KCNAB1: variants seen among roughly 807,000 people sequenced by gnomAD.
KCNAB1 encodes potassium voltage-gated channel subfamily A regulatory beta subunit 1, also known as voltage-gated potassium channel subunit beta-1.
A neutral mutation model predicts 64.6 loss-of-function variants in KCNAB1; 35 were observed. The observed-to-expected ratio is 0.54, with a 90% CI of 0.41 to 0.72. KCNAB1 has a LOEUF of 0.72. Among genes scored for constraint, KCNAB1 ranks in the 30% least tolerant of loss-of-function variants. The pLI is 0.00. For missense variants in KCNAB1, 401 were observed against 512.9 expected, an observed-to-expected ratio of 0.78 and a Z score of 2.11; for synonymous variants, 177 against 183.8, an observed-to-expected ratio of 0.96 and a Z score of 0.30.
intron 1 of KCNAB1, among the ~76,000 whole-genome samples, chr3:156,164,567 A>T (rs546824779): frequency 2.3e-4 from 35 of 152,334 alleles, no homozygotes; most frequent in African/African-American, 8.2e-4. Context: ...ATTTGCCCAG[A>T]AGAAAGGCAA....
At chr3:156,402,411 C>T (rs75484026) in intron 1 of KCNAB1, among the ~76,000 whole-genome samples, 2,002 of 152,264 alleles carry the variant, frequency 0.013, 39 homozygotes, top group African/African-American at 0.045. Context: ...CCAGTGTTTT[C>T]ATCGAAAATG....
chr3:156,260,644 C>T (rs1014507624), intron 1 of KCNAB1, among the ~76,000 whole-genome samples: 3 of 152,152 alleles, frequency 2.0e-5, no homozygotes, highest in Non-Finnish European at 4.4e-5. Context: ...AAATACAACA[C>T]ATTTTGCTTT....
intron 1 of KCNAB1, among the ~76,000 whole-genome samples, chr3:156,274,221 C>T (rs1719202394): frequency 6.6e-6 from 1 of 152,144 alleles, no homozygotes; most frequent in South Asian, 2.1e-4. Flanking sequence ...ATTACAACAA[C>T]CACAAAACTA....
chr3:156,402,805 T>G (rs1332412451), intron 1 of KCNAB1, among the ~76,000 whole-genome samples: 2 of 152,240 alleles, frequency 1.3e-5, no homozygotes, highest in Admixed American at 6.5e-5. Context: ...ACAAAGATTA[T>G]TCTCTAAATT....
At chr3:156,431,527 G>A (rs1203176578) in intron 2 of KCNAB1, among the ~76,000 whole-genome samples, 2 of 152,208 alleles carry the variant, frequency 1.3e-5, no homozygotes, top group Non-Finnish European at 2.9e-5. Flanking sequence ...AGTGTACGTG[G>A]CTGAATGACC....
At position 156,312,703 on chromosome 3, in the gene KCNAB1, C is replaced by CAAAAAAAAAA. The variant is rs397991453; in HGVS notation, c.276-108894_276-108885dup. Among the ~76,000 whole-genome samples the CAAAAAAAAAA allele has an allele frequency of 8.4e-3, 230 of 27,418 alleles. 31 individuals carry two copies. The highest frequency in any genetic ancestry group is 0.014 in the East Asian group (10 of 724). 18.0% of individuals were successfully genotyped at this position (27,418 alleles called of 152,430 possible). On this transcript the variant is annotated intron_variant, in intron 1 of 13. Coordinates refer to ENST00000490337, the MANE Select transcript of KCNAB1 (RefSeq NM_172160.3). ...CTAGGTGACAGAGTGAGACTGTCTC[C>CAAAAAAAAAA]AAAAAAAAAAAAAAAAAAAAAAAAA...
At chr3:156,441,979 G>C (rs1304612052) in intron 2 of KCNAB1, among the ~76,000 whole-genome samples, 1 of 151,898 alleles carries the variant, frequency 6.6e-6, no homozygotes, top group Non-Finnish European at 1.5e-5. Flanking sequence ...TTTTGCTTCT[G>C]ATTATAAAAG....
Position 156,132,008 on chromosome 3 carries a change from G to T in KCNAB1, c.275+11122G>T, listed in dbSNP as rs141915825. On this transcript the variant is annotated intron_variant, in intron 1 of 13. Transcript: ENST00000490337. ...TTCAGCCACATGACCACATTCAACT[G>T]CAAAGAAGGCTGGGAATTGTAGTTA... Among the ~76,000 whole-genome samples the T allele has an allele frequency of 3.2e-3, 493 of 152,290 alleles. 2 individuals are homozygous for T. The highest frequency in any genetic ancestry group is 0.011 in the African/African-American group (463 of 41,562).
intron 1 of KCNAB1, among the ~76,000 whole-genome samples, chr3:156,181,310 A>G (rs560725125): frequency 6.6e-6 from 1 of 152,314 alleles, no homozygotes; most frequent in East Asian, 1.9e-4. Flanking sequence ...CAGAGGTTAG[A>G]AGGGAGCAGC....
At chr3:156,214,293 G>A (rs1176386287) in intron 1 of KCNAB1, among the ~76,000 whole-genome samples, 1 of 152,112 alleles carries the variant, frequency 6.6e-6, no homozygotes, top group Non-Finnish European at 1.5e-5. Flanking sequence ...AGTAGTCTGG[G>A]GAACTGCTAC....
At chr3:156,245,643 T>C (rs16825935) in intron 1 of KCNAB1, among the ~76,000 whole-genome samples, 2,279 of 152,320 alleles carry the variant, frequency 0.015, 59 homozygotes, top group African/African-American at 0.052. Context: ...CTATATCCCA[T>C]GTGCCATCTT....
intron 1 of KCNAB1, among the ~76,000 whole-genome samples, chr3:156,306,302 G>T (rs534492019): frequency 6.6e-6 from 1 of 152,290 alleles, no homozygotes; most frequent in South Asian, 2.1e-4. Context: ...AGACTGAATA[G>T]TCCAGGACTA....
At chr3:156,391,385 C>T (rs1203584861) in intron 1 of KCNAB1, among the ~76,000 whole-genome samples, 3 of 152,144 alleles carry the variant, frequency 2.0e-5, no homozygotes, top group East Asian at 3.9e-4. Flanking sequence ...CCCACTGGCC[C>T]ATTGTTAAAA....
At chr3:156,296,464 C>G (rs796774769) in intron 1 of KCNAB1, among the ~76,000 whole-genome samples, 5 of 65,930 alleles carry the variant, frequency 7.6e-5, no homozygotes, top group Non-Finnish European at 1.3e-4. Context: ...CTTCAACTCC[C>G]CCCCCCCCCA....
At chr3:156,382,306 A>G (rs1257593944) in intron 1 of KCNAB1, 1 of 152,116 alleles carries the variant, frequency 6.6e-6, no homozygotes, top group East Asian at 1.9e-4. Flanking sequence ...CAACATGGAG[A>G]AACGCATCTC....
At chr3:156,432,761 G>A (rs1716314535) in intron 2 of KCNAB1, among the ~76,000 whole-genome samples, 1 of 152,108 alleles carries the variant, frequency 6.6e-6, no homozygotes, top group Admixed American at 6.5e-5. Context: ...CCCTTGCTGA[G>A]CTGTTTCTTT....
At chr3:156,220,458 C>T (rs1168234031) in intron 1 of KCNAB1, among the ~76,000 whole-genome samples, 1 of 152,240 alleles carries the variant, frequency 6.6e-6, no homozygotes, top group Non-Finnish European at 1.5e-5. Context: ...TTGCATTTCT[C>T]TGATGACCAG....
intron 1 of KCNAB1, among the ~76,000 whole-genome samples, chr3:156,216,089 C>T (rs901759753): frequency 6.6e-6 from 1 of 152,178 alleles, no homozygotes; most frequent in Non-Finnish European, 1.5e-5. Flanking sequence ...TCCTGGCCCT[C>T]GCAGATCCTC....
chr3:156,485,541 G>C (rs551542096), intron 8 of KCNAB1, among the ~76,000 whole-genome samples: 5 of 151,406 alleles, frequency 3.3e-5, no homozygotes, highest in African/African-American at 7.3e-5. Flanking sequence ...TGCTTTTTTG[G>C]GGGGGGCATG....
Sources: allele counts gnomAD v4.1 joint callset (sites outside exome capture counted in the v4.1 genomes callset), GRCh38; gene constraint gnomAD v4.1.1; transcripts MANE v1.5; gene names NCBI Gene and HGNC (gene_info 2026-07-23, HGNC 2026-07-21).